TEX10: variants seen among roughly 807,000 people sequenced by gnomAD.
TEX10 encodes the protein testis expressed 10, also known as testis-expressed protein 10.
TEX10 carries 24 observed loss-of-function variants against 104.4 expected under a neutral mutation model. The observed-to-expected ratio is 0.23, with a 90% confidence interval of 0.17 to 0.32. The LOEUF (loss-of-function observed/expected upper bound fraction) is 0.32, where lower values mean the gene tolerates loss of function less well. Among genes scored for constraint, TEX10 ranks in the 10% least tolerant of loss-of-function variants. The probability of loss-of-function intolerance (pLI) is 1.00; values close to 1 mark genes in which losing one functional copy is unlikely to be tolerated. For synonymous variants in TEX10, 396 were observed against 393.4 expected, an observed-to-expected ratio of 1.01 and a Z score of -0.08; for missense variants, 921 against 1,083.9, an observed-to-expected ratio of 0.85 and a Z score of 2.11.
chr9:100,343,408 A>T (rs577976253), intron 4 of TEX10, among the ~76,000 whole-genome samples: 1 of 151,892 alleles, frequency 6.6e-6, no homozygotes, highest in South Asian at 2.1e-4. Context: ...AATCTTTTCA[A>T]CAAATAGTGC....
chr9:100,347,535 A>C (rs1835330576), intron 2 of TEX10, 129 bp from the exon 3 acceptor site: 1 of 610,608 alleles, frequency 1.6e-6, no homozygotes, highest in South Asian at 3.6e-5. Flanking sequence ...AGTACTTTTT[A>C]AATGTTATTT....
chr9:100,323,012 T>C (rs1034386050), intron 9 of TEX10, among the ~76,000 whole-genome samples: 8 of 152,108 alleles, frequency 5.3e-5, no homozygotes, highest in Non-Finnish European at 8.8e-5. Flanking sequence ...ATGGGGACAA[T>C]AGCACATGCT....
Position 100,326,431 on chromosome 9 carries a change from C to T in TEX10, c.1850G>A (p.Arg617His), listed in dbSNP as rs112103395. Residue 617 changes from arginine to histidine, a missense_variant, in exon 9 of 15, where the codon CGT becomes CAT. Arg to His is a conservative substitution (Grantham distance 29). Around this residue, in one of 3 missense-constraint regions of TEX10, gnomAD observed 753 missense variants for 868.4 expected, o/e 0.87. Coordinates refer to ENST00000374902, the MANE Select transcript of TEX10 (RefSeq NM_017746.4). ...VVVLPADSQQ[R>H]LVQLVYFLPS... ...TAGGAAATATACAAGCTGAACCAAA[C>T]GCTGCTGAGAGTCTGCAGGGAGAAC... 2,054 of 1,613,638 alleles carry T rather than the reference C, an allele frequency of 1.3e-3. 1 individual carries two copies. Among genetic ancestry groups the T allele is most frequent in the African/African-American group, 1.6e-3 (117 of 74,886 alleles).
chr9:100,337,849 ACT>A (rs1304611782), intron 5 of TEX10, among the ~76,000 whole-genome samples: 2 of 151,776 alleles, frequency 1.3e-5, no homozygotes, highest in Non-Finnish European at 2.9e-5. Flanking sequence ...TTCAAATACT[ACT>A]CTTCAATTTA....
At chr9:100,334,935 G>T (rs1834970790) in intron 5 of TEX10, among the ~76,000 whole-genome samples, 1 of 152,144 alleles carries the variant, frequency 6.6e-6, no homozygotes, top group Non-Finnish European at 1.5e-5. Flanking sequence ...AAAGTGCTGG[G>T]ATTACAGGCG....
At chr9:100,330,530 T>C (rs1039991627) in intron 5 of TEX10, among the ~76,000 whole-genome samples, 1 of 152,214 alleles carries the variant, frequency 6.6e-6, no homozygotes, top group Admixed American at 6.5e-5. Flanking sequence ...GAAATCACAG[T>C]AGATCTTGGC....
intron 9 of TEX10, among the ~76,000 whole-genome samples, chr9:100,324,747 A>AT (rs1331009686): frequency 2.4e-4 from 37 of 152,342 alleles, no homozygotes; most frequent in African/African-American, 8.7e-4. Flanking sequence ...AGAAACATTC[A>AT]AGGGGTGATT....
rs140386228 is a variant in TEX10 at position 100,346,721 on chromosome 9, G to A, written c.866C>T (p.Pro289Leu). The change falls in exon 3 of 15, where the codon CCA becomes CTA. Residue 289 changes from proline (P) to leucine (L), a missense_variant. Around this residue, in one of 3 missense-constraint regions of TEX10, gnomAD observed 753 missense variants for 868.4 expected, o/e 0.87. Transcript: ENST00000374902. ...IQVYENGGSQ[P>L]NVSSQFRLRY... ...TAGCCTGAACTGTGAACTGACATTT[G>A]GCTGTGAACCCCCATTTTCATAAAC... The A allele has an allele frequency of 6.2e-7, 1 of 1,613,482 alleles. No individual in the cohort carries two copies. The highest frequency in any genetic ancestry group is 1.3e-5 in the African/African-American group (1 of 74,978).
chr9:100,339,327 T>C (rs963374706), intron 5 of TEX10, among the ~76,000 whole-genome samples: 1 of 139,070 alleles, frequency 7.2e-6, no homozygotes, highest in Non-Finnish European at 1.5e-5. Flanking sequence ...TTTATATATA[T>C]TTATATATTA....
chr9:100,307,098 T>G (rs1174754314), intron 13 of TEX10: 1 of 152,216 alleles, frequency 6.6e-6, no homozygotes, highest in Non-Finnish European at 1.5e-5. Flanking sequence ...TGCATAAATT[T>G]TATAGTATAT....
Position 100,347,389 on chromosome 9 carries a change from C to A in TEX10, c.198G>T (p.Met66Ile). Reference sequence around the variant, plus strand: ...GTTTAACCCCAGCATTGTAGTGATGCATCTGTGACAGCAAATCCTATAAAT... The same window carrying A: ...GTTTAACCCCAGCATTGTAGTGATGAATCTGTGACAGCAAATCCTATAAAT... ...KLNIKDLLSQ[M>I]HHYNAGVKQS... The change falls in exon 3 of 15, where the codon ATG becomes ATT. Residue 66 changes from methionine (M) to isoleucine (I), a missense_variant. Met to Ile is a conservative substitution (Grantham distance 10, BLOSUM62 1). Transcript: ENST00000374902. 6.3e-7 allele frequency: 1 copy of A among 1,575,716 alleles called. No individual in the cohort carries two copies. The highest frequency in any genetic ancestry group is 1.9e-5 in the Admixed American group (1 of 51,344).
chr9:100,337,454 T>C (rs4742783), intron 5 of TEX10, among the ~76,000 whole-genome samples: 90,314 of 152,100 alleles, frequency 0.59, 28,139 homozygotes, highest in East Asian at 0.89. Flanking sequence ...ATCAATACTT[T>C]GAGAGTTCAT....
chr9:100,340,692 T>C (rs560852807), intron 4 of TEX10, among the ~76,000 whole-genome samples: 1 of 152,324 alleles, frequency 6.6e-6, no homozygotes, highest in South Asian at 2.1e-4. Context: ...CAAGAAAGTC[T>C]TTCTCCCTGA....
intron 9 of TEX10, among the ~76,000 whole-genome samples, chr9:100,322,373 G>A (rs1834591402): frequency 6.6e-6 from 1 of 152,116 alleles, no homozygotes; most frequent in Non-Finnish European, 1.5e-5. Flanking sequence ...AGGATTATTT[G>A]GTTCCTCCTA....
chr9:100,352,507 C>A, intron 1 of TEX10: 2 of 1,551,042 alleles, frequency 1.3e-6, no homozygotes, highest in Non-Finnish European at 1.7e-6. Flanking sequence ...TTCACACACT[C>A]CGGGCTAAAA....
chr9:100,302,242 C>T lies in TEX10; in HGVS notation c.2739G>A (p.Val913=), dbSNP rs1358312747. The stretch of plus-strand genomic sequence containing the variant: ...GCCCTTGGGGATGCCCAGTGATATA[C>T]ACGTTGAAGCAGTAATGTAAGTCTG... The part of the protein sequence containing the change: ...WLTDLHYCFN[V]YITGHPQGPS... The change falls in exon 15 of 15, where the codon GTG becomes GTA. Residue 913 remains valine, a synonymous_variant. Coordinates refer to ENST00000374902, the MANE Select transcript of TEX10 (RefSeq NM_017746.4). The T allele has an allele frequency of 1.9e-6, 3 of 1,613,506 alleles. No individual in the cohort carries two copies. The highest frequency in any genetic ancestry group is 2.5e-6 in the Non-Finnish European group (3 of 1,179,670).
chr9:100,336,861 T>G (rs1835024184), intron 5 of TEX10, among the ~76,000 whole-genome samples: 1 of 152,132 alleles, frequency 6.6e-6, no homozygotes, highest in African/African-American at 2.4e-5. Context: ...TACTTAAGAG[T>G]AGCCTGTAGG....
At chr9:100,313,987 A>G (rs1452514280) in intron 11 of TEX10, among the ~76,000 whole-genome samples, 1 of 152,148 alleles carries the variant, frequency 6.6e-6, no homozygotes, top group Non-Finnish European at 1.5e-5. Flanking sequence ...TGATTTTTGG[A>G]AACAATTTCA....
intron 10 of TEX10, 70 bp downstream of exon 10, chr9:100,321,613 A>T: frequency 7.7e-7 from 1 of 1,290,650 alleles, no homozygotes; most frequent in South Asian, 1.3e-5. Flanking sequence ...TAAAATGGCA[A>T]ATCTTAGAAG....
Sources: allele counts gnomAD v4.1 joint callset (sites outside exome capture counted in the v4.1 genomes callset), GRCh38; gene constraint gnomAD v4.1.1; regional missense constraint gnomAD v4.1.1; transcripts MANE v1.5; gene names NCBI Gene and HGNC (gene_info 2026-07-23, HGNC 2026-07-21).